MRPS28: variants seen among roughly 807,000 people sequenced by gnomAD.
MRPS28 encodes mitochondrial ribosomal protein S28.
A neutral mutation model predicts 10.8 loss-of-function variants in MRPS28; 7 were observed. That is an observed-to-expected ratio of 0.65 (90% confidence interval 0.37 to 1.22). MRPS28 has a LOEUF of 1.22. MRPS28 is among the 50% of genes most tolerant of loss of function. The probability of loss-of-function intolerance (pLI) is 0.02; values close to 1 mark genes in which losing one functional copy is unlikely to be tolerated. For missense variants in MRPS28, 265 were observed against 232.9 expected, an observed-to-expected ratio of 1.14 and a Z score of -0.90; for synonymous variants, 121 against 93.3, an observed-to-expected ratio of 1.30 and a Z score of -1.71.
intron 1 of MRPS28, among the ~76,000 whole-genome samples, chr8:80,007,669 A>G (rs1324630219): frequency 6.6e-6 from 1 of 152,194 alleles, no homozygotes; most frequent in Non-Finnish European, 1.5e-5. Flanking sequence ...ACTCCCATTC[A>G]CAATTGCTTC....
chr8:79,957,110 A>G (rs968719954), intron 2 of MRPS28: 8 of 152,074 alleles, frequency 5.3e-5, no homozygotes, highest in African/African-American at 7.2e-5. Context: ...GTGCCTTCGT[A>G]TAAGCTATTC....
chr8:80,012,686 A>C (rs537356469), intron 1 of MRPS28, among the ~76,000 whole-genome samples: 1 of 152,186 alleles, frequency 6.6e-6, no homozygotes, highest in Non-Finnish European at 1.5e-5. Flanking sequence ...CTGCTGTACT[A>C]TTTTCTCCTT....
At chr8:79,921,542 C>A (rs1172636755) in intron 2 of MRPS28, among the ~76,000 whole-genome samples, 1 of 151,598 alleles carries the variant, frequency 6.6e-6, no homozygotes, top group African/African-American at 2.4e-5. Flanking sequence ...ATTTTATTCT[C>A]TTTGAAGCAA....
intron 1 of MRPS28, among the ~76,000 whole-genome samples, chr8:80,007,212 A>T (rs2130180191): frequency 6.6e-6 from 1 of 152,312 alleles, no homozygotes; most frequent in Admixed American, 6.5e-5. Flanking sequence ...CCTTTGACAA[A>T]ATTCAACAAC....
At chr8:80,028,056 G>A (rs1166822704) in intron 1 of MRPS28, among the ~76,000 whole-genome samples, 1 of 152,150 alleles carries the variant, frequency 6.6e-6, no homozygotes, top group Non-Finnish European at 1.5e-5. Context: ...GGAAAGGAAA[G>A]GGAATTCTGG....
chr8:79,982,006 G>A (rs563901830), intron 2 of MRPS28, among the ~76,000 whole-genome samples: 2 of 152,208 alleles, frequency 1.3e-5, no homozygotes, highest in Non-Finnish European at 2.9e-5. Flanking sequence ...AGCACTTTGG[G>A]GGGGCCAAGG....
At chr8:79,994,342 GA>G (rs1808443455) in intron 2 of MRPS28, among the ~76,000 whole-genome samples, 1 of 152,042 alleles carries the variant, frequency 6.6e-6, no homozygotes, top group Non-Finnish European at 1.5e-5. Flanking sequence ...ACCTTGAATG[GA>G]AATAAGAGAA....
chr8:80,020,345 A>T (rs1276493442), intron 1 of MRPS28, among the ~76,000 whole-genome samples: 1 of 152,206 alleles, frequency 6.6e-6, no homozygotes, highest in Non-Finnish European at 1.5e-5. Context: ...CCCCCTTCCC[A>T]TCACGGCCTG....
At chr8:79,982,503 T>G (rs1191929662) in intron 2 of MRPS28, among the ~76,000 whole-genome samples, 2 of 152,092 alleles carry the variant, frequency 1.3e-5, no homozygotes, top group East Asian at 3.9e-4. Flanking sequence ...GGAGTTCCCT[T>G]TCCTAGTCAA....
At chr8:79,951,791 G>T (rs1180668322) in intron 2 of MRPS28, among the ~76,000 whole-genome samples, 2 of 152,130 alleles carry the variant, frequency 1.3e-5, no homozygotes, top group Non-Finnish European at 1.5e-5. Context: ...GCCTAGCATT[G>T]TTACTGCCAT....
chr8:79,973,807 G>C (rs985046714), intron 2 of MRPS28, among the ~76,000 whole-genome samples: 1 of 140,116 alleles, frequency 7.1e-6, no homozygotes, highest in African/African-American at 2.7e-5. Context: ...AAGAAAACGA[G>C]TTCTCACAGA....
In MRPS28 at chr8:79,983,922, A is replaced by C. The variant is rs566657588; in HGVS notation, c.395+19077T>G. Among the ~76,000 whole-genome samples the C allele has an allele frequency of 5.9e-5, 9 of 152,300 alleles. No individual in the cohort carries two copies. The South Asian group carries it at 6.2e-4, about 11-fold the overall frequency. On this transcript the variant is annotated intron_variant, in intron 2 of 2. Transcript: ENST00000276585. ...ACATTCAGATTCAGGAAATACAGAA[A>C]ACGCCACAAAGATACTCCTCGAGAA...
At chr8:79,943,283 G>A (rs1806817486) in intron 2 of MRPS28, among the ~76,000 whole-genome samples, 1 of 152,222 alleles carries the variant, frequency 6.6e-6, no homozygotes, top group Non-Finnish European at 1.5e-5. Flanking sequence ...TTCAGAGTAT[G>A]CTATGTGACA....
Position 80,003,193 on chromosome 8 carries a change from A to G in MRPS28, c.214-13T>C, listed in dbSNP as rs1333642704. ...TTTTTGGAGAACCCTAAATATGAAA[A>G]GAGATATTTATATACATATAACTCA... is the stretch of plus-strand genomic sequence containing the variant. On this transcript the variant is annotated splice_polypyrimidine_tract_variant and intron_variant, in intron 1 of 2. Transcript: ENST00000276585. 1 of 1,547,084 alleles carries G rather than the reference A, an allele frequency of 6.5e-7. No homozygotes were observed. The highest frequency in any genetic ancestry group is 1.4e-5 in the African/African-American group (1 of 72,110).
At chr8:79,987,121 G>A (rs1242014741) in intron 2 of MRPS28, among the ~76,000 whole-genome samples, 8 of 152,118 alleles carry the variant, frequency 5.3e-5, no homozygotes, top group South Asian at 2.1e-4. Flanking sequence ...AAATAACGCC[G>A]CATAGCTACA....
chr8:79,946,409 C>T (rs759437773), intron 2 of MRPS28, among the ~76,000 whole-genome samples: 1 of 152,102 alleles, frequency 6.6e-6, no homozygotes, highest in Non-Finnish European at 1.5e-5. Flanking sequence ...AACAACCCTC[C>T]TAGCCAAAAT....
chr8:80,007,693 T>C (rs1692562169), intron 1 of MRPS28, among the ~76,000 whole-genome samples: 1 of 151,930 alleles, frequency 6.6e-6, no homozygotes, highest in Non-Finnish European at 1.5e-5. Context: ...GAGAATAAAA[T>C]ACCTAGGAAT....
chr8:80,005,769 A>G (rs542356234), intron 1 of MRPS28, among the ~76,000 whole-genome samples: 1 of 152,338 alleles, frequency 6.6e-6, no homozygotes, highest in South Asian at 2.1e-4. Flanking sequence ...ACATAGGCTC[A>G]AAATAAAGGG....
chr8:80,026,551 G>C (rs914022150), intron 1 of MRPS28, among the ~76,000 whole-genome samples: 11 of 152,250 alleles, frequency 7.2e-5, no homozygotes, highest in African/African-American at 2.4e-4. Context: ...AATATTTACC[G>C]AGTGCCCACT....
Sources: gnomAD v4.1 joint callset for allele counts (sites outside exome capture counted in the v4.1 genomes callset) on GRCh38, gnomAD v4.1.1 for gene constraint, MANE v1.5 for transcripts, NCBI Gene and HGNC (gene_info 2026-07-23, HGNC 2026-07-21) for gene names.